The following FNDC3B variants were observed in gnomAD, a reference collection of about 807,000 sequenced individuals.
The protein encoded by FNDC3B is fibronectin type III domain-containing protein 3B.
Under a neutral mutation model 151.5 loss-of-function variants are expected in FNDC3B, and 12 were observed. That is an observed-to-expected ratio of 0.08 (90% CI 0.05 to 0.13). The LOEUF is 0.13. FNDC3B is among the 10% of genes least tolerant of loss of function. The pLI, the probability that FNDC3B is intolerant of heterozygous loss-of-function variation, is 1.00. For synonymous variants in FNDC3B, 528 were observed against 549.0 expected, an observed-to-expected ratio of 0.96 and a Z score of 0.54; for missense variants, 1,214 against 1,505.3, an observed-to-expected ratio of 0.81 and a Z score of 3.20.
chr3:172,228,867 C>T (rs1295807797), intron 4 of FNDC3B, among the ~76,000 whole-genome samples: 2 of 151,954 alleles, frequency 1.3e-5, no homozygotes, highest in African/African-American at 2.4e-5. Flanking sequence ...TTTTATGACA[C>T]GTTACAGTAG....
At chr3:172,129,402 A>G (rs1248236643) in intron 2 of FNDC3B, among the ~76,000 whole-genome samples, 1 of 152,214 alleles carries the variant, frequency 6.6e-6, no homozygotes, top group African/African-American at 2.4e-5. Flanking sequence ...CACCTGGTTA[A>G]TCAGCCACCC....
intron 22 of FNDC3B, among the ~76,000 whole-genome samples, chr3:172,361,204 C>G (rs992988662): frequency 6.6e-6 from 1 of 152,222 alleles, no homozygotes; most frequent in Non-Finnish European, 1.5e-5. Context: ...CTGCTAATCT[C>G]TCTAGCAAGT....
intron 25 of FNDC3B, among the ~76,000 whole-genome samples, chr3:172,396,660 A>G (rs1275253832): frequency 6.6e-6 from 1 of 152,208 alleles, no homozygotes; most frequent in South Asian, 2.1e-4. Flanking sequence ...TCAGTAAGGC[A>G]TTAGATTCCC....
chr3:172,063,363 T>C (rs908420043), intron 1 of FNDC3B, among the ~76,000 whole-genome samples: 43 of 152,140 alleles, frequency 2.8e-4, no homozygotes, highest in African/African-American at 1.0e-3. Flanking sequence ...CTCCCAACAG[T>C]TTTCTTTGAT....
At chr3:172,154,328 G>A (rs1445559401) in intron 3 of FNDC3B, among the ~76,000 whole-genome samples, 2 of 152,108 alleles carry the variant, frequency 1.3e-5, no homozygotes, top group Non-Finnish European at 2.9e-5. Context: ...CCATTCTCCT[G>A]CCTCAGCCTC....
intron 1 of FNDC3B, among the ~76,000 whole-genome samples, chr3:172,078,736 T>C (rs16856881): frequency 0.017 from 2,563 of 152,330 alleles, 62 homozygotes; most frequent in African/African-American, 0.057. Flanking sequence ...ACACTTTGAC[T>C]TTAATGATAG....
At chr3:172,354,126 C>A (rs887536750) in intron 22 of FNDC3B, among the ~76,000 whole-genome samples, 2 of 151,954 alleles carry the variant, frequency 1.3e-5, no homozygotes, top group Non-Finnish European at 1.5e-5. Flanking sequence ...GAAGGAAAAT[C>A]AATCAAAACC....
intron 3 of FNDC3B, among the ~76,000 whole-genome samples, chr3:172,192,290 A>G (rs949035055): frequency 5.3e-5 from 8 of 150,888 alleles, no homozygotes; most frequent in African/African-American, 2.0e-4. Flanking sequence ...CTCCTGCCTC[A>G]GCCTCCTGAG....
chr3:172,330,751 G>A (rs191936095), intron 13 of FNDC3B, 36 bp downstream of exon 13: 8 of 1,527,720 alleles, frequency 5.2e-6, no homozygotes, highest in Non-Finnish European at 6.3e-6. Flanking sequence ...TCTGTGTTTT[G>A]TACGAGTCAG....
At position 172,309,450 on chromosome 3, in the gene FNDC3B, G is replaced by T. The variant is rs73033125; in HGVS notation, c.1201-1378G>T. Among the ~76,000 whole-genome samples the T allele has an allele frequency of 2.9e-3, 441 of 151,272 alleles. 1 individual carries two copies. The highest frequency in any genetic ancestry group is 0.01 in the African/African-American group (417 of 41,292). On this transcript the variant is annotated intron_variant, in intron 10 of 25. Coordinates refer to ENST00000415807, the MANE Select transcript of FNDC3B (RefSeq NM_022763.4). ...AACTACCAAAGAACAGTTTTTTTTT[G>T]AGTTCTCATCTTAGAGATGGGTTCT...
At chr3:172,287,321 C>T (rs191886952) in intron 7 of FNDC3B, among the ~76,000 whole-genome samples, 4 of 152,248 alleles carry the variant, frequency 2.6e-5, no homozygotes, top group Admixed American at 1.3e-4. Flanking sequence ...GTTTCACTGT[C>T]AGGGACTCTG....
Position 172,299,919 on chromosome 3 carries a change from G to A in FNDC3B, c.1061+1132G>A, listed in dbSNP as rs146327281. Among the ~76,000 whole-genome samples, 134 of 152,310 alleles carry A rather than the reference G, an allele frequency of 8.8e-4. 1 individual carries two copies. The highest frequency in any genetic ancestry group is 2.3e-3 in the East Asian group (12 of 5,190). On this transcript the variant is annotated intron_variant, in intron 9 of 25. Transcript: ENST00000415807. ...AAAAGGTAGTAAAGCAAGGATGTGC[G>A]TTGAGGATGTAATATCTTATTAGCT...
intron 1 of FNDC3B, among the ~76,000 whole-genome samples, chr3:172,064,119 A>G (rs1717366018): frequency 6.6e-6 from 1 of 152,106 alleles, no homozygotes; most frequent in Non-Finnish European, 1.5e-5. Flanking sequence ...TCCAGCCTGG[A>G]CAACATAGCA....
chr3:172,378,029 C>T (rs1422019075), intron 23 of FNDC3B, among the ~76,000 whole-genome samples: 1 of 151,994 alleles, frequency 6.6e-6, no homozygotes, highest in Non-Finnish European at 1.5e-5. Flanking sequence ...GAATCTAGAT[C>T]CTAATTAAAG....
intron 4 of FNDC3B, among the ~76,000 whole-genome samples, chr3:172,245,728 G>T (rs1230501137): frequency 6.6e-6 from 1 of 152,150 alleles, no homozygotes; most frequent in African/African-American, 2.4e-5. Context: ...TAGCTTCCAT[G>T]CATTCATAAA....
chr3:172,302,703 C>T (rs1362506301), intron 9 of FNDC3B: 3 of 152,156 alleles, frequency 2.0e-5, no homozygotes, highest in East Asian at 3.8e-4. Context: ...CTATTCTTAA[C>T]ACAAATAAAT....
At chr3:172,114,630 A>C (rs546163734) in intron 2 of FNDC3B, among the ~76,000 whole-genome samples, 1 of 152,362 alleles carries the variant, frequency 6.6e-6, no homozygotes, top group East Asian at 1.9e-4. Flanking sequence ...GCATGCCTGT[A>C]ATCCTAGCTA....
chr3:172,072,516 T>G (rs1717828776), intron 1 of FNDC3B, among the ~76,000 whole-genome samples: 1 of 152,198 alleles, frequency 6.6e-6, no homozygotes, highest in South Asian at 2.1e-4. Context: ...AAATCCTGTT[T>G]GATCACCAAC....
intron 11 of FNDC3B, among the ~76,000 whole-genome samples, chr3:172,315,867 C>T (rs941173587): frequency 6.6e-6 from 1 of 152,010 alleles, no homozygotes; most frequent in Non-Finnish European, 1.5e-5. Flanking sequence ...AGGGGGAAGG[C>T]GGACACCATG....
Sources: gnomAD v4.1 joint callset for allele counts (sites outside exome capture counted in the v4.1 genomes callset) on GRCh38, gnomAD v4.1.1 for gene constraint, MANE v1.5 for transcripts, NCBI Gene and HGNC (gene_info 2026-07-23, HGNC 2026-07-21) for gene names.